Variants in TMEM64 observed in about 807,000 individuals in gnomAD.
The protein encoded by TMEM64 is transmembrane protein 64.
TMEM64 carries 19 observed loss-of-function variants against 24.5 expected under a neutral mutation model. The ratio of observed to expected loss-of-function variants is 0.78; its 90% CI spans 0.54 to 1.14. TMEM64 has a LOEUF of 1.14. Among genes scored for constraint, TMEM64 ranks in the 50% most tolerant of loss-of-function variants. The pLI, the probability that TMEM64 is intolerant of heterozygous loss-of-function variation, is 0.00. For synonymous variants in TMEM64, 262 were observed against 224.7 expected (o/e 1.17, Z -1.49); for missense variants, 487 against 493.0 (o/e 0.99, Z 0.12).
At position 90,622,227 on chromosome 8, in the gene TMEM64, A is replaced by C. The variant is rs913773377; in HGVS notation, c.*3444T>G. ...AGGTTATTTGAACTCCTGAGTTTTAAATATCCTGTGGAACAGTGATTCCTC... is the reference window on the plus strand; with the variant it reads ...AGGTTATTTGAACTCCTGAGTTTTACATATCCTGTGGAACAGTGATTCCTC... On this transcript the variant is annotated 3_prime_UTR_variant, in exon 3 of 3. Coordinates refer to ENST00000458549, the MANE Select transcript of TMEM64 (RefSeq NM_001008495.4). 91 of 152,294 alleles carry C rather than the reference A, an allele frequency of 6.0e-4. No homozygotes were observed. The highest frequency in any genetic ancestry group is 2.1e-3 in the African/African-American group (89 of 41,582). 9.4% of individuals were successfully genotyped at this position (152,294 alleles called of 1,614,324 possible).
intron 1 of TMEM64, among the ~76,000 whole-genome samples, chr8:90,635,118 C>T (rs543770688): frequency 6.6e-6 from 1 of 152,228 alleles, no homozygotes; most frequent in South Asian, 2.1e-4. Flanking sequence ...TACACACTGA[C>T]AAATACACAT....
chr8:90,634,193 C>A (rs1809481477), intron 1 of TMEM64, among the ~76,000 whole-genome samples: 1 of 152,088 alleles, frequency 6.6e-6, no homozygotes. Flanking sequence ...TTCCAGTAGC[C>A]AATTTTCCCA....
Position 90,645,417 on chromosome 8 carries a change from G to A in TMEM64, c.489C>T (p.Phe163=), listed in dbSNP as rs1373024890. Residue 163 remains phenylalanine, a synonymous_variant, in exon 1 of 3, where the codon TTC becomes TTT. Coordinates refer to ENST00000458549, the MANE Select transcript of TMEM64 (RefSeq NM_001008495.4). This position sits in a 1 kb window ranked among gnomAD's most constrained non-coding sequence, Gnocchi z 4.2. ...SLDSLLGVLL[F]VVGFIVVSFP... is the part of the protein sequence containing the mutation. ...AAGAGACCACGATGAAGCCCACGAC[G>A]AAGAGCAGGACCCCCAGCAGCGAGT... is the stretch of plus-strand genomic sequence containing the variant. 6.4e-7 allele frequency: 1 copy of A among 1,551,714 alleles called. No homozygotes were observed. Among genetic ancestry groups the A allele is most frequent in the Admixed American group, 2.0e-5 (1 of 51,016 alleles).
In TMEM64 at chr8:90,645,071, A is replaced by C; in HGVS notation, c.795+40T>G. 1 of 1,564,290 alleles carries C rather than the reference A, an allele frequency of 6.4e-7. No homozygotes were observed. Among genetic ancestry groups the C allele is most frequent in the Non-Finnish European group, 8.7e-7 (1 of 1,150,070 alleles). On this transcript the variant is annotated intron_variant, in intron 1 of 2. Coordinates refer to ENST00000458549, the MANE Select transcript of TMEM64 (RefSeq NM_001008495.4). The surrounding 1 kb of genome is among the most constrained non-coding windows in gnomAD (Gnocchi z 4.2). ...AGGGCCGCCACAAGACCGCTCAAAA[A>C]CAGACTTGGAGAGGGATAGGCCAGC...
In TMEM64 at chr8:90,645,192, C is replaced by T. The variant is rs773739088; in HGVS notation, c.714G>A (p.Val238=). The part of the protein sequence containing the change: ...SEKLSAVIRV[V]EGGSGLKVVA... ...CCACTTTCAGGCCGCTTCCTCCCTC[C>T]ACTACGCGAATAACCGCGCTCAGCT... The change falls in exon 1 of 3, where the codon GTG becomes GTA. Residue 238 remains valine (V), a synonymous_variant. Coordinates refer to ENST00000458549, the MANE Select transcript of TMEM64 (RefSeq NM_001008495.4). This position sits in a 1 kb window ranked among gnomAD's most constrained non-coding sequence, Gnocchi z 4.2. 1 of 1,614,204 alleles carries T rather than the reference C, an allele frequency of 6.2e-7. No homozygotes were observed.
chr8:90,631,489 C>A, intron 2 of TMEM64, 63 bp downstream of exon 2: 1 of 1,315,830 alleles, frequency 7.6e-7, no homozygotes, highest in East Asian at 2.4e-5. Flanking sequence ...TCTGTCAAAT[C>A]AGCAATGCCA....
intron 1 of TMEM64, among the ~76,000 whole-genome samples, chr8:90,641,056 A>T: frequency 6.6e-6 from 1 of 152,230 alleles, no homozygotes. Context: ...TGTTAAATAA[A>T]AATACAAGAT....
intron 1 of TMEM64, among the ~76,000 whole-genome samples, chr8:90,634,694 C>G (rs1039660471): frequency 2.0e-5 from 3 of 152,128 alleles, no homozygotes; most frequent in African/African-American, 7.2e-5. Flanking sequence ...TCATGCATTT[C>G]TTGTTAGTTT....
At position 90,645,611 on chromosome 8, in the gene TMEM64, C is replaced by A. The variant is rs2130515310; in HGVS notation, c.295G>T (p.Val99Leu). The change falls in exon 1 of 3, where the codon GTG becomes TTG. Residue 99 changes from valine (V) to leucine (L), a missense_variant. Val to Leu is a conservative substitution (Grantham distance 32). This residue lies in a region of TMEM64 where 419 missense variants were observed against 407.5 expected (regional missense o/e 1.03). Transcript: ENST00000458549. This position sits in a 1 kb window ranked among gnomAD's most constrained non-coding sequence, Gnocchi z 4.2. ...AGGPGSGGGG[V>L]VVGVAEVRNW... ...CTCACCTCAGCCACGCCGACCACCA[C>A]GCCGCCGCCGCCACTCCCGGGGCCG... The A allele has an allele frequency of 6.5e-7, 1 of 1,534,594 alleles. No homozygotes were observed. Among genetic ancestry groups the A allele is most frequent in the African/African-American group, 1.4e-5 (1 of 72,956 alleles).
chr8:90,645,527 A>AC lies in TMEM64; in HGVS notation c.378_379insG (p.Cys127ValfsTer29), dbSNP rs1244982669. On this transcript the variant is annotated frameshift_variant, in exon 1 of 3. Transcript: ENST00000458549. LOFTEE classifies it high-confidence loss of function. The surrounding 1 kb of genome is among the most constrained non-coding windows in gnomAD (Gnocchi z 4.2). ...GCGAAGCACAGGGCGGCCAACACGC[A>AC]GACCAGCACGAGGCTCCGGCACCAA... The AC allele has an allele frequency of 1.3e-6, 2 of 1,549,574 alleles. No homozygotes were observed. The highest frequency in any genetic ancestry group is 3.9e-5 in the Admixed American group (2 of 51,008).
intron 2 of TMEM64, among the ~76,000 whole-genome samples, chr8:90,628,424 G>A (rs1368430078): frequency 1.3e-5 from 2 of 152,208 alleles, no homozygotes; most frequent in African/African-American, 4.8e-5. Flanking sequence ...GAGGAGAAGT[G>A]AAGATAGTTT....
Position 90,645,188 on chromosome 8 carries a change from C to T in TMEM64, c.718G>A (p.Gly240Arg). ...GCCACCACTTTCAGGCCGCTTCCTC[C>T]CTCCACTACGCGAATAACCGCGCTC... Reference protein sequence around the residue: ...KLSAVIRVVEGGSGLKVVALA... With the variant: ...KLSAVIRVVERGSGLKVVALA... The change falls in exon 1 of 3, where the codon GGA becomes AGA. Residue 240 changes from glycine (G) to arginine (R), a missense_variant. By Grantham distance (125) the Gly-to-Arg change is moderately radical. This residue lies in a region of TMEM64 where 419 missense variants were observed against 407.5 expected (regional missense o/e 1.03). Coordinates refer to ENST00000458549, the MANE Select transcript of TMEM64 (RefSeq NM_001008495.4). This position sits in a 1 kb window ranked among gnomAD's most constrained non-coding sequence, Gnocchi z 4.2. The T allele has an allele frequency of 1.2e-6, 2 of 1,614,186 alleles. No individual in the cohort carries two copies. Among genetic ancestry groups the T allele is most frequent in the Non-Finnish European group, 1.7e-6 (2 of 1,180,026 alleles).
intron 1 of TMEM64, among the ~76,000 whole-genome samples, 178 bp downstream of exon 1, chr8:90,644,933 T>C (rs1206624960): frequency 6.6e-6 from 1 of 152,152 alleles, no homozygotes; most frequent in Non-Finnish European, 1.5e-5. Flanking sequence ...AGGCTCCGCG[T>C]TAGGTATGTT....
intron 1 of TMEM64, among the ~76,000 whole-genome samples, chr8:90,635,928 T>G (rs1177058266): frequency 1.3e-5 from 2 of 152,212 alleles, no homozygotes; most frequent in Non-Finnish European, 2.9e-5. Flanking sequence ...TTGACATTCA[T>G]AGATGACATC....
At chr8:90,635,390 T>G (rs1352542326) in intron 1 of TMEM64, among the ~76,000 whole-genome samples, 2 of 151,436 alleles carry the variant, frequency 1.3e-5, no homozygotes, top group Non-Finnish European at 2.9e-5. Context: ...TTTATTTTAT[T>G]TTATTTTATT....
chr8:90,645,594 A>AGCCACGCCGACC lies in TMEM64; in HGVS notation c.300_311dup (p.Val101_Ala104dup), dbSNP rs1809684445. 1 of 1,538,544 alleles carries AGCCACGCCGACC rather than the reference A, an allele frequency of 6.5e-7. No homozygotes were observed. The highest frequency in any genetic ancestry group is 2.0e-5 in the Admixed American group (1 of 50,850). On this transcript the variant is annotated inframe_insertion, in exon 1 of 3. Transcript: ENST00000458549. This position sits in a 1 kb window ranked among gnomAD's most constrained non-coding sequence, Gnocchi z 4.2. ...AGCAGCAGCGCCAGTTTCTCACCTC[A>AGCCACGCCGACC]GCCACGCCGACCACCACGCCGCCGC...
At chr8:90,639,028 G>A (rs1256587674) in intron 1 of TMEM64, among the ~76,000 whole-genome samples, 1 of 151,678 alleles carries the variant, frequency 6.6e-6, no homozygotes, top group African/African-American at 2.4e-5. Flanking sequence ...AACCGCCATG[G>A]TGAACCTAAT....
chr8:90,645,435 C>G lies in TMEM64; in HGVS notation c.471G>C (p.Leu157=), dbSNP rs1809676617. The change falls in exon 1 of 3, where the codon CTG becomes CTC. Residue 157 remains leucine (L), a synonymous_variant. Transcript: ENST00000458549. This position sits in a 1 kb window ranked among gnomAD's most constrained non-coding sequence, Gnocchi z 4.2. ...LLLWVESLDS[L]LGVLLFVVGF... is the part of the protein sequence containing the mutation. ...CCACGACGAAGAGCAGGACCCCCAG[C>G]AGCGAGTCAAGGCTCTCCACCCACA... 6.4e-7 allele frequency: 1 copy of G among 1,551,502 alleles called. No individual in the cohort carries two copies. The highest frequency in any genetic ancestry group is 1.4e-5 in the African/African-American group (1 of 73,050).
rs1223613426 is a variant in TMEM64 at position 90,623,354 on chromosome 8, G to A, written c.*2317C>T. The A allele has an allele frequency of 6.6e-6, 1 of 152,124 alleles. No individual in the cohort carries two copies. Among genetic ancestry groups the A allele is most frequent in the African/African-American group, 2.4e-5 (1 of 41,418 alleles). 9.4% of individuals were successfully genotyped at this position (152,124 alleles called of 1,614,324 possible). A position where few individuals can be genotyped will look rare whatever the true frequency, so the allele number is the denominator to read the frequency against. ...AAATCTGGGATGCAGGATTAAAAAT[G>A]GAGTAAATAAGGCATGACAATGCTT... On this transcript the variant is annotated 3_prime_UTR_variant, in exon 3 of 3. Transcript: ENST00000458549.
Sources: gnomAD v4.1 joint callset for allele counts (sites outside exome capture counted in the v4.1 genomes callset) on GRCh38, gnomAD v4.1.1 for gene constraint, gnomAD v4.1.1 regional missense constraint, Gnocchi (gnomAD v3.1) non-coding constraint, MANE v1.5 for transcripts, NCBI Gene and HGNC (gene_info 2026-07-23, HGNC 2026-07-21) for gene names.